The following GRIK4 variants were observed in gnomAD, a reference collection of about 807,000 sequenced individuals.
GRIK4 encodes the protein glutamate receptor ionotropic, kainate 4.
Under a neutral mutation model 104.9 loss-of-function variants are expected in GRIK4, and 40 were observed. The ratio of observed to expected loss-of-function variants is 0.38; its 90% CI spans 0.30 to 0.50. The LOEUF is 0.50. GRIK4 is among the 20% of genes least tolerant of loss of function. The probability of loss-of-function intolerance (pLI) is 0.93; values close to 1 mark genes in which losing one functional copy is unlikely to be tolerated. For missense variants in GRIK4, 1,047 were observed against 1,308.1 expected (o/e 0.80, Z 3.08); for synonymous variants, 485 against 524.9 (o/e 0.92, Z 1.04).
chr11:120,675,477 C>T (rs958034384), intron 3 of GRIK4, among the ~76,000 whole-genome samples: 5 of 152,230 alleles, frequency 3.3e-5, no homozygotes, highest in Non-Finnish European at 7.3e-5. Context: ...CTGGAGATAA[C>T]AGAGCTTATC....
At chr11:120,930,437 A>G (rs1411265070) in intron 13 of GRIK4, among the ~76,000 whole-genome samples, 1 of 152,204 alleles carries the variant, frequency 6.6e-6, no homozygotes, top group Admixed American at 6.5e-5. Context: ...TTCCCATAGA[A>G]GCTCCATGGA....
intron 7 of GRIK4, among the ~76,000 whole-genome samples, chr11:120,835,635 T>A (rs1440897673): frequency 6.6e-6 from 1 of 152,162 alleles, no homozygotes; most frequent in Non-Finnish European, 1.5e-5. Flanking sequence ...GTCTGGTTTC[T>A]CCTCCATCCA....
chr11:120,961,137 T>A lies in GRIK4; in HGVS notation c.2040+63T>A, dbSNP rs1944279396. The A allele has an allele frequency of 2.1e-6, 3 of 1,435,560 alleles. No homozygotes were observed. The South Asian group carries it at 3.5e-5, about 17-fold the overall frequency. The allele number at this position is 1,435,560 out of a possible 1,614,324, so 88.9% of individuals were successfully genotyped here. A position where few individuals can be genotyped will look rare whatever the true frequency, so the allele number is the denominator to read the frequency against. On this transcript the variant is annotated intron_variant, in intron 17 of 20. Transcript: ENST00000527524. ...GGGCAGAATAAAGTTGAGATGTTTCTCTGCTGGAGATAAAAACATCTCTCC... is the reference window on the plus strand; with the variant it reads ...GGGCAGAATAAAGTTGAGATGTTTCACTGCTGGAGATAAAAACATCTCTCC...
chr11:120,535,805 T>G (rs956010678), intron 1 of GRIK4, among the ~76,000 whole-genome samples: 1 of 152,264 alleles, frequency 6.6e-6, no homozygotes, highest in Non-Finnish European at 1.5e-5. Context: ...CTGCACCTAT[T>G]CCTACCTTGC....
intron 3 of GRIK4, 21 bp from the exon 4 acceptor site, chr11:120,802,672 C>T: frequency 1.2e-6 from 2 of 1,608,630 alleles, no homozygotes; most frequent in Non-Finnish European, 1.7e-6. Flanking sequence ...CAATTGTCTC[C>T]ATGTGGTTGC....
chr11:120,676,722 G>T (rs1466923756), intron 3 of GRIK4, among the ~76,000 whole-genome samples: 1 of 152,132 alleles, frequency 6.6e-6, no homozygotes, highest in Non-Finnish European at 1.5e-5. Flanking sequence ...CTCCTACCGG[G>T]CCCCACTTCC....
intron 1 of GRIK4, among the ~76,000 whole-genome samples, chr11:120,546,115 G>A (rs7932539): frequency 8.2e-4 from 125 of 152,288 alleles, no homozygotes; most frequent in African/African-American, 2.9e-3. Context: ...AGGTACAGCC[G>A]TTCTCTGTAG....
At chr11:120,654,738 G>C (rs796813440) in intron 2 of GRIK4, among the ~76,000 whole-genome samples, 1 of 152,126 alleles carries the variant, frequency 6.6e-6, no homozygotes, top group Admixed American at 6.5e-5. Context: ...GCAATTCCAC[G>C]AGGGGACTAT....
chr11:120,594,813 A>G (rs1948780526), intron 1 of GRIK4, among the ~76,000 whole-genome samples: 2 of 152,202 alleles, frequency 1.3e-5, no homozygotes, highest in Admixed American at 1.3e-4. Flanking sequence ...TGATTGGGGT[A>G]AGTGGTGGGA....
intron 1 of GRIK4, among the ~76,000 whole-genome samples, chr11:120,633,645 A>T (rs1327322427): frequency 6.6e-6 from 1 of 152,126 alleles, no homozygotes; most frequent in Non-Finnish European, 1.5e-5. Context: ...TTTTAAGTAA[A>T]GAGGGAAATG....
intron 6 of GRIK4, among the ~76,000 whole-genome samples, chr11:120,826,397 C>T (rs543390057): frequency 3.0e-4 from 45 of 152,300 alleles, no homozygotes; most frequent in Admixed American, 1.3e-3. Context: ...CGTATGATCT[C>T]AGTCACTGAA....
Position 120,957,995 on chromosome 11 carries a change from C to T in GRIK4, c.1874+1042C>T, listed in dbSNP as rs76021104. Among the ~76,000 whole-genome samples the T allele has an allele frequency of 7.2e-3, 1,102 of 152,330 alleles. 14 individuals carry two copies. The highest frequency in any genetic ancestry group is 0.025 in the African/African-American group (1,048 of 41,574). On this transcript the variant is annotated intron_variant, in intron 16 of 20. Transcript: ENST00000527524. ...AGTTTGGAGAAGTCACTGAATGGAT[C>T]ACCATGGAGAACAGGAGCTCAGGTC...
chr11:120,522,529 C>G (rs930126987), intron 1 of GRIK4, among the ~76,000 whole-genome samples: 2 of 152,096 alleles, frequency 1.3e-5, no homozygotes, highest in Non-Finnish European at 2.9e-5. Flanking sequence ...CCATGTTGGC[C>G]AGGCTGGTCT....
intron 3 of GRIK4, among the ~76,000 whole-genome samples, chr11:120,721,249 C>T (rs1950929685): frequency 6.6e-6 from 1 of 152,082 alleles, no homozygotes; most frequent in East Asian, 1.9e-4. Flanking sequence ...AAATCAAATC[C>T]TTAGACCATA....
rs1944766101 is a variant in GRIK4, at chr11:120,986,983, T to A, written c.*723T>A. 1 of 151,606 alleles carries A rather than the reference T, an allele frequency of 6.6e-6. No individual in the cohort carries two copies. Among genetic ancestry groups the A allele is most frequent in the Admixed American group, 6.6e-5 (1 of 15,224 alleles). 9.4% of individuals were successfully genotyped at this position (151,606 alleles called of 1,614,324 possible). The stretch of plus-strand genomic sequence containing the variant: ...GTCTTGGGAAGAATCAGATGGAGAG[T>A]CTCAAAAGTCCATTGCAGTAAACTT... On this transcript the variant is annotated 3_prime_UTR_variant, in exon 21 of 21. Transcript: ENST00000527524.
At chr11:120,529,584 C>A (rs1442504340) in intron 1 of GRIK4, among the ~76,000 whole-genome samples, 4 of 152,206 alleles carry the variant, frequency 2.6e-5, no homozygotes, top group African/African-American at 9.7e-5. Flanking sequence ...CATGTAAGTT[C>A]CCTGTCGGGA....
At chr11:120,936,091 GT>G in intron 13 of GRIK4, 1 of 223,552 alleles carries the variant, frequency 4.5e-6, no homozygotes. Context: ...CATCTTCCTT[GT>G]TTTCCGCCTC....
intron 3 of GRIK4, among the ~76,000 whole-genome samples, chr11:120,699,397 G>C (rs765035488): frequency 6.6e-6 from 1 of 152,182 alleles, no homozygotes; most frequent in African/African-American, 2.4e-5. Context: ...ATGGCCTGCA[G>C]TCTTTAGTTC....
intron 1 of GRIK4, among the ~76,000 whole-genome samples, chr11:120,624,410 C>T (rs1949228772): frequency 6.6e-6 from 1 of 152,112 alleles, no homozygotes; most frequent in South Asian, 2.1e-4. Context: ...CAAAGCTAGG[C>T]TCTAGCTGAA....
Sources: gnomAD v4.1 joint callset for allele counts (sites outside exome capture counted in the v4.1 genomes callset) on GRCh38, gnomAD v4.1.1 for gene constraint, MANE v1.5 for transcripts, NCBI Gene and HGNC (gene_info 2026-07-23, HGNC 2026-07-21) for gene names.